CYLD: variants seen among roughly 807,000 people sequenced by gnomAD.
CYLD encodes the protein CYLD lysine 63 deubiquitinase, also known as ubiquitin carboxyl-terminal hydrolase CYLD.
CYLD carries 26 observed loss-of-function variants against 104.5 expected under a neutral mutation model. The observed-to-expected ratio is 0.25, with a 90% CI of 0.18 to 0.35. CYLD has a LOEUF of 0.35. Ranked by LOEUF, CYLD falls within the 10% of genes least tolerant of loss-of-function variation. The pLI, the probability that CYLD is intolerant of heterozygous loss-of-function variation, is 1.00. For synonymous variants in CYLD, 385 were observed against 399.9 expected (o/e 0.96, Z 0.45); for missense variants, 703 against 1,136.1 (o/e 0.62, Z 5.48).
chr16:50,786,673 T>G (rs1457016514), intron 12 of CYLD, 182 bp from the exon 13 acceptor site: 1 of 543,122 alleles, frequency 1.8e-6, no homozygotes, highest in Non-Finnish European at 3.3e-6. Context: ...GGCATGAGAA[T>G]CTCTTGAGCC....
intron 5 of CYLD, among the ~76,000 whole-genome samples, chr16:50,771,528 A>G (rs565503918): frequency 7.7e-4 from 117 of 152,292 alleles, no homozygotes; most frequent in African/African-American, 2.7e-3. Context: ...CCCTAGGAGT[A>G]GAATTGCTGG....
chr16:50,746,252 G>A (rs1966183566), intron 2 of CYLD, among the ~76,000 whole-genome samples: 1 of 152,276 alleles, frequency 6.6e-6, no homozygotes, highest in South Asian at 2.1e-4. Flanking sequence ...TGCACAGGCT[G>A]GTCTCAAACT....
intron 2 of CYLD, among the ~76,000 whole-genome samples, chr16:50,747,163 A>G (rs759779909): frequency 9.9e-5 from 15 of 152,226 alleles, no homozygotes; most frequent in Non-Finnish European, 1.9e-4. Context: ...TCTCTATTCA[A>G]TAAAGCCTAT....
intron 5 of CYLD, among the ~76,000 whole-genome samples, chr16:50,754,860 T>C (rs1036692798): frequency 3.5e-5 from 5 of 143,376 alleles, no homozygotes; most frequent in Admixed American, 6.7e-5. Context: ...TGTATATATA[T>C]ACACACACAC....
intron 12 of CYLD, chr16:50,785,357 T>C (rs1970704143): frequency 6.6e-6 from 1 of 152,196 alleles, no homozygotes; most frequent in African/African-American, 2.4e-5. Context: ...TTCCAAATTA[T>C]CTGCTATATC....
At chr16:50,782,503 C>T (rs371247641) in intron 11 of CYLD, 37 bp downstream of exon 11, 1 of 1,607,070 alleles carries the variant, frequency 6.2e-7, no homozygotes, top group African/African-American at 1.3e-5. Context: ...ATAGATAGTG[C>T]CATGAGGCAG....
In CYLD at chr16:50,775,155, C is replaced by T. The variant is rs1158902108; in HGVS notation, c.914-11C>T. On this transcript the variant is annotated splice_polypyrimidine_tract_variant and intron_variant, in intron 5 of 18. Coordinates refer to ENST00000427738, the MANE Select transcript of CYLD (RefSeq NM_001378743.1). Reference sequence around the variant, plus strand: ...TCCACTGTGGGTGATATCGTTTTTGCTGACACACAGCTTTATCAGGTATGA... The same window carrying T: ...TCCACTGTGGGTGATATCGTTTTTGTTGACACACAGCTTTATCAGGTATGA... The T allele has an allele frequency of 6.3e-7, 1 of 1,595,856 alleles. No individual in the cohort carries two copies.
Position 50,750,064 on chromosome 16 carries a change from C to T in CYLD, c.366C>T (p.Gly122=). 2 of 1,614,110 alleles carry T rather than the reference C, an allele frequency of 1.2e-6. 1 individual carries two copies. Among genetic ancestry groups the T allele is most frequent in the South Asian group, 2.2e-5 (2 of 91,082 alleles). Residue 122 remains glycine, a synonymous_variant, in exon 3 of 19, where the codon GGC becomes GGT. Coordinates refer to ENST00000427738, the MANE Select transcript of CYLD (RefSeq NM_001378743.1). The stretch of plus-strand genomic sequence containing the variant: ...AAAACAGAAACAGACTAAGTAAAGG[C>T]CTCCAAATAGACGTGGGCTGTCCTG... The part of the protein sequence containing the change: ...LFKNRNRLSK[G]LQIDVGCPVK...
chr16:50,757,811 C>T (rs571066196), intron 5 of CYLD, among the ~76,000 whole-genome samples: 3 of 152,334 alleles, frequency 2.0e-5, no homozygotes, highest in South Asian at 4.1e-4. Context: ...GCTGGGACTA[C>T]AGGCGTGAGC....
chr16:50,751,934 T>C (rs540689897), intron 4 of CYLD, 28 bp downstream of exon 4: 2 of 1,319,732 alleles, frequency 1.5e-6, no homozygotes, highest in Admixed American at 1.8e-5. Context: ...TAAATATCTT[T>C]GTGATATATA....
At chr16:50,763,848 T>G (rs1437288242) in intron 5 of CYLD, among the ~76,000 whole-genome samples, 4 of 152,214 alleles carry the variant, frequency 2.6e-5, no homozygotes, top group Non-Finnish European at 5.9e-5. Context: ...CAACATTTCA[T>G]TATTAAATGT....
At position 50,798,819 on chromosome 16, in the gene CYLD, T is replaced by C. The variant is rs571810597; in HGVS notation, c.*2311T>C. The stretch of plus-strand genomic sequence containing the variant: ...TCCATAAATGATTTCTGGCAACGTC[T>C]TCTTCAGGTGGAGCTTGACGTCTTT... On this transcript the variant is annotated 3_prime_UTR_variant, in exon 19 of 19. Transcript: ENST00000427738. The C allele has an allele frequency of 4.3e-6, 1 of 233,310 alleles. No individual in the cohort carries two copies. Among genetic ancestry groups the C allele is most frequent in the East Asian group, 6.0e-5 (1 of 16,734 alleles). The allele number at this position is 233,310 out of a possible 1,614,324, so 14.5% of individuals were successfully genotyped here. A position where few individuals can be genotyped will look rare whatever the true frequency, so the allele number is the denominator to read the frequency against.
chr16:50,797,085 T>C lies in CYLD; in HGVS notation c.*577T>C, dbSNP rs962918361. 1 of 235,582 alleles carries C rather than the reference T, an allele frequency of 4.2e-6. No individual in the cohort carries two copies. The highest frequency in any genetic ancestry group is 8.4e-6 in the Non-Finnish European group (1 of 119,532). The allele number at this position is 235,582 out of a possible 1,614,324, so 14.6% of individuals were successfully genotyped here. On this transcript the variant is annotated 3_prime_UTR_variant, in exon 19 of 19. Coordinates refer to ENST00000427738, the MANE Select transcript of CYLD (RefSeq NM_001378743.1). ...GTTTCTGCAATAGTGGTCAGAAAAA[T>C]ACTTAAATTCCCTTAATGGTGTTGT... is the stretch of plus-strand genomic sequence containing the variant.
chr16:50,769,329 G>T (rs1968863073), intron 5 of CYLD, among the ~76,000 whole-genome samples: 1 of 152,150 alleles, frequency 6.6e-6, no homozygotes, highest in African/African-American at 2.4e-5. Context: ...GAGAGATACA[G>T]TTCTTCCATA....
chr16:50,791,548 G>A lies in CYLD; in HGVS notation c.2109-10G>A, dbSNP rs11865799. ...AGGTTGTATGTATTTTTTTCTCTGC[G>A]TGTTTTTAGATCAGCAGGTCAAAAG... On this transcript the variant is annotated splice_polypyrimidine_tract_variant and intron_variant, in intron 14 of 18. Transcript: ENST00000427738. 16,821 of 1,613,156 alleles carry A rather than the reference G, an allele frequency of 0.01. 1,208 individuals carry two copies. The African/African-American group carries it at 0.18, about 17-fold the overall frequency.
rs1236442301 is a variant in CYLD at position 50,796,767 on chromosome 16, TTTAAG to T, written c.*266_*270del. 1.0e-5 allele frequency: 5 copies of T among 493,930 alleles called. No homozygotes were observed. In the Admixed American group the frequency reaches 1.7e-4, roughly 16 times the overall value. 30.6% of individuals were successfully genotyped at this position (493,930 alleles called of 1,614,324 possible). A position where few individuals can be genotyped will look rare whatever the true frequency, so the allele number is the denominator to read the frequency against. ...AAATGAAGTTATTAATACCTGAAGC[TTTAAG>T]TTAAGTGCATTGATCATATGATATT... On this transcript the variant is annotated 3_prime_UTR_variant, in exon 19 of 19. Coordinates refer to ENST00000427738, the MANE Select transcript of CYLD (RefSeq NM_001378743.1).
chr16:50,749,729 G>A lies in CYLD; in HGVS notation c.31G>A (p.Val11Ile), dbSNP rs1314234739. ...TTCAGGCTTATGGAGCCAAGAAAAAGTCACTTCACCCTACTGGGAAGAGCG... is the reference window on the plus strand; with the variant it reads ...TTCAGGCTTATGGAGCCAAGAAAAAATCACTTCACCCTACTGGGAAGAGCG... MSSGLWSQEK[V>I]TSPYWEERIF... The change falls in exon 3 of 19, where the codon GTC (valine) becomes ATC (isoleucine). Residue 11 changes from valine (V) to isoleucine (I), a missense_variant. By Grantham distance (29) the Val-to-Ile change is conservative. Around this residue, in one of 5 missense-constraint regions of CYLD, gnomAD observed 142 missense variants for 165.1 expected, o/e 0.86. Transcript: ENST00000427738. 1 of 1,613,646 alleles carries A rather than the reference G, an allele frequency of 6.2e-7. No homozygotes were observed. The highest frequency in any genetic ancestry group is 8.5e-7 in the Non-Finnish European group (1 of 1,179,984).
intron 2 of CYLD, chr16:50,745,013 ATAT>A (rs1377926878): frequency 3.1e-4 from 47 of 152,354 alleles, no homozygotes; most frequent in African/African-American, 1.1e-3. Flanking sequence ...AGGGTTAAAC[ATAT>A]TATTGTGTTT....
chr16:50,798,197 AT>A lies in CYLD; in HGVS notation c.*1693del, dbSNP rs933944183. 9 of 232,140 alleles carry A rather than the reference AT, an allele frequency of 3.9e-5. No homozygotes were observed. The highest frequency in any genetic ancestry group is 2.0e-4 in the African/African-American group (9 of 45,296). The allele number at this position is 232,140 out of a possible 1,614,324, so 14.4% of individuals were successfully genotyped here. A position where few individuals can be genotyped will look rare whatever the true frequency, so the allele number is the denominator to read the frequency against. Reference sequence around the variant, plus strand: ...ATGGGTGAATGAGCTTGTCAATGTGATTTTAAAAAATTGACTACCTGGAGGA... The same window carrying A: ...ATGGGTGAATGAGCTTGTCAATGTGATTTAAAAAATTGACTACCTGGAGGA... On this transcript the variant is annotated 3_prime_UTR_variant, in exon 19 of 19. Coordinates refer to ENST00000427738, the MANE Select transcript of CYLD (RefSeq NM_001378743.1).
Sources: allele counts gnomAD v4.1 joint callset (sites outside exome capture counted in the v4.1 genomes callset), GRCh38; gene constraint gnomAD v4.1.1; regional missense constraint gnomAD v4.1.1; transcripts MANE v1.5; gene names NCBI Gene and HGNC (gene_info 2026-07-23, HGNC 2026-07-21).